Variants in NUP210L observed in about 807,000 individuals in gnomAD.
The protein encoded by NUP210L is nuclear pore membrane glycoprotein 210-like.
NUP210L carries 74 observed loss-of-function variants against 208.5 expected under a neutral mutation model. The observed-to-expected ratio is 0.35, with a 90% confidence interval of 0.29 to 0.43. The LOEUF (loss-of-function observed/expected upper bound fraction) is 0.43, where lower values mean the gene tolerates loss of function less well. Ranked by LOEUF, NUP210L falls within the 20% of genes least tolerant of loss-of-function variation. NUP210L has a pLI of 1.00. For synonymous variants in NUP210L, 780 were observed against 816.9 expected, an observed-to-expected ratio of 0.95 and a Z score of 0.77; for missense variants, 1,843 against 2,289.4, an observed-to-expected ratio of 0.81 and a Z score of 3.98.
intron 27 of NUP210L, among the ~76,000 whole-genome samples, chr1:154,032,460 G>C (rs1652281645): frequency 6.6e-6 from 1 of 151,832 alleles, no homozygotes; most frequent in African/African-American, 2.4e-5. Context: ...CAATGATGTT[G>C]AGCACCTTTT....
chr1:154,098,371 G>A (rs1303308499), intron 14 of NUP210L, among the ~76,000 whole-genome samples: 1 of 152,202 alleles, frequency 6.6e-6, no homozygotes, highest in Admixed American at 6.5e-5. Flanking sequence ...AGCCCTGTTT[G>A]TGTTATAGCT....
At chr1:154,070,592 AT>A (rs1211249922) in intron 16 of NUP210L, 127 bp from the exon 17 acceptor site, 1 of 572,670 alleles carries the variant, frequency 1.7e-6, no homozygotes. Context: ...TTGCAAACTT[AT>A]AGCTATTGAA....
At chr1:154,144,921 C>T (rs1399016020) in intron 2 of NUP210L, among the ~76,000 whole-genome samples, 1 of 152,004 alleles carries the variant, frequency 6.6e-6, no homozygotes, top group East Asian at 1.9e-4. Context: ...CTAGCCTGGC[C>T]AACATGGTGA....
At chr1:154,046,026 A>G in intron 27 of NUP210L, 43 bp downstream of exon 27, 1 of 1,540,054 alleles carries the variant, frequency 6.5e-7, no homozygotes, top group Non-Finnish European at 8.8e-7. Flanking sequence ...TAAATTTAAT[A>G]TCAAGATCCC....
chr1:154,015,443 G>A (rs1651182287), intron 33 of NUP210L, among the ~76,000 whole-genome samples: 1 of 151,882 alleles, frequency 6.6e-6, no homozygotes, highest in Admixed American at 6.6e-5. Context: ...AAAATTGGCT[G>A]GGCACAGTGG....
intron 27 of NUP210L, among the ~76,000 whole-genome samples, chr1:154,040,595 T>C (rs1652818827): frequency 1.3e-5 from 2 of 151,698 alleles, no homozygotes; most frequent in South Asian, 4.2e-4. Flanking sequence ...TTCTTTCTTT[T>C]TTTTTTTTTG....
chr1:154,125,643 A>AAGGAAGGAAGGG (rs1210435725), intron 10 of NUP210L, among the ~76,000 whole-genome samples: 1 of 1,160 alleles, frequency 8.6e-4, no homozygotes, highest in African/African-American at 1.8e-3. Flanking sequence ...GGAAGGAAGG[A>AAGGAAGGAAGGG]AGGAAGGAAG....
rs1471140293 is a variant in NUP210L, at chr1:154,135,373, A to G, written c.1009+441T>C. Among the ~76,000 whole-genome samples the G allele has an allele frequency of 7.2e-5, 11 of 152,200 alleles. 1 individual carries two copies. The South Asian group carries it at 1.5e-3, about 20-fold the overall frequency. ...GAAATTATGACAGTAATAACTTATA[A>G]TTCTTTATTAAAAATAAAACCTATA... On this transcript the variant is annotated intron_variant, in intron 7 of 39. Coordinates refer to ENST00000368559, the Ensembl canonical transcript of NUP210L.
chr1:154,092,636 C>T (rs1655992213), intron 15 of NUP210L, among the ~76,000 whole-genome samples: 1 of 151,826 alleles, frequency 6.6e-6, no homozygotes, highest in South Asian at 2.1e-4. Context: ...ATCCACCTGC[C>T]TCAGCCTCCC....
At position 154,062,567 on chromosome 1, in the gene NUP210L, C is replaced by CTTTTTTTTTTTTTTTTTTT. The variant is rs34499821; in HGVS notation, c.2555-912_2555-894dup. Among the ~76,000 whole-genome samples, 36 of 74,988 alleles carry CTTTTTTTTTTTTTTTTTTT rather than the reference C, an allele frequency of 4.8e-4. 1 individual carries two copies. The highest frequency in any genetic ancestry group is 0.014 in the Middle Eastern group (1 of 74). The allele number at this position is 74,988 out of a possible 152,430, so 49.2% of individuals were successfully genotyped here. On this transcript the variant is annotated intron_variant, in intron 17 of 39. Transcript: ENST00000368559. The stretch of plus-strand genomic sequence containing the variant: ...CACCTTTCTCTCTCTTTTCTTTTTC[C>CTTTTTTTTTTTTTTTTTTT]TTTTTTTTTTTTTTTTTTTTTTTGT...
exon 39 of NUP210L, chr1:153,993,018 G>C: frequency 6.2e-7 from 1 of 1,613,336 alleles, no homozygotes; most frequent in Non-Finnish European, 8.5e-7. Context: ...TTTTTACCTG[G>C]CTGTGGTGTT....
intron 17 of NUP210L, among the ~76,000 whole-genome samples, chr1:154,065,764 A>ATGCC (rs1654372771): frequency 6.6e-6 from 1 of 151,926 alleles, no homozygotes; most frequent in South Asian, 2.1e-4. Flanking sequence ...ATGGTGGCAC[A>ATGCC]TGCCTATAGT....
At chr1:154,070,342 G>A in exon 17 of NUP210L, 1 of 1,613,424 alleles carries the variant, frequency 6.2e-7, no homozygotes, top group Non-Finnish European at 8.5e-7. Flanking sequence ...TCTTCGAAAT[G>A]GGCTAGTGTT....
chr1:154,037,570 C>T (rs557038560), intron 27 of NUP210L, among the ~76,000 whole-genome samples: 1 of 152,102 alleles, frequency 6.6e-6, no homozygotes, highest in East Asian at 1.9e-4. Flanking sequence ...CTATGTGTGT[C>T]TTTATAGGTG....
intron 27 of NUP210L, among the ~76,000 whole-genome samples, chr1:154,036,611 C>A (rs1353122963): frequency 6.6e-6 from 1 of 151,678 alleles, no homozygotes; most frequent in Non-Finnish European, 1.5e-5. Context: ...GTGATCCACC[C>A]ACCTTGGCCT....
chr1:154,120,630 TAAAAA>T (rs553188982), intron 10 of NUP210L, among the ~76,000 whole-genome samples: 1 of 117,890 alleles, frequency 8.5e-6, no homozygotes, highest in African/African-American at 3.1e-5. Context: ...GTATAATAAT[TAAAAA>T]AAAAAAAAAA....
chr1:154,152,328 C>T (rs1444848933), intron 2 of NUP210L, among the ~76,000 whole-genome samples: 1 of 151,446 alleles, frequency 6.6e-6, no homozygotes, highest in Non-Finnish European at 1.5e-5. Flanking sequence ...TGCGCCACCA[C>T]GCCCGGCTAA....
intron 13 of NUP210L, among the ~76,000 whole-genome samples, chr1:154,101,214 C>T (rs1276589045): frequency 6.8e-6 from 1 of 147,172 alleles, no homozygotes; most frequent in African/African-American, 2.5e-5. Flanking sequence ...GGCGGTGGCT[C>T]ATGCCTGTAA....
chr1:154,005,235 T>A lies in NUP210L; in HGVS notation c.4931-3250A>T, dbSNP rs549708363. On this transcript the variant is annotated intron_variant, in intron 35 of 39. Transcript: ENST00000368559. Reference sequence around the variant, plus strand: ...TCATTATTTATTTATTTATTTATTTTTTTGAGATGGAGTCTTGTCTGTCGC... The same window carrying A: ...TCATTATTTATTTATTTATTTATTTATTTGAGATGGAGTCTTGTCTGTCGC... Among the ~76,000 whole-genome samples, 291 of 152,014 alleles carry A rather than the reference T, an allele frequency of 1.9e-3. 1 individual carries two copies. Among genetic ancestry groups the A allele is most frequent in the African/African-American group, 6.3e-3 (263 of 41,484 alleles).
Sources: gnomAD v4.1 joint callset for allele counts (sites outside exome capture counted in the v4.1 genomes callset) on GRCh38, gnomAD v4.1.1 for gene constraint, MANE v1.5 for transcripts, NCBI Gene and HGNC (gene_info 2026-07-23, HGNC 2026-07-21) for gene names.